The following COL4A2 variants were observed in gnomAD, a reference collection of about 807,000 sequenced individuals.
COL4A2 encodes collagen alpha-2(IV) chain.
COL4A2 carries 99 observed loss-of-function variants against 200.2 expected under a neutral mutation model. The ratio of observed to expected loss-of-function variants is 0.49; its 90% CI spans 0.42 to 0.58. The LOEUF is 0.58. Among genes scored for constraint, COL4A2 ranks in the 20% least tolerant of loss-of-function variants. COL4A2 has a pLI of 0.00. For synonymous variants in COL4A2, 897 were observed against 900.6 expected, an observed-to-expected ratio of 1.00 and a Z score of 0.07; for missense variants, 1,950 against 2,314.1, an observed-to-expected ratio of 0.84 and a Z score of 3.23.
chr13:110,382,220 G>A (rs1301283009), intron 4 of COL4A2, among the ~76,000 whole-genome samples: 2 of 152,304 alleles, frequency 1.3e-5, no homozygotes, highest in Non-Finnish European at 1.5e-5. Context: ...CAATTATGGT[G>A]GACAAGTATT....
chr13:110,415,221 T>G lies in COL4A2; in HGVS notation c.181-9513T>G, dbSNP rs371015300. Among the ~76,000 whole-genome samples the G allele has an allele frequency of 2.8e-4, 42 of 152,350 alleles. 1 individual carries two copies. The highest frequency in any genetic ancestry group is 9.6e-4 in the East Asian group (5 of 5,192). On this transcript the variant is annotated intron_variant, in intron 4 of 47. Coordinates refer to ENST00000360467, the MANE Select transcript of COL4A2 (RefSeq NM_001846.4). ...GGTGGTTACACAACTCTGTTATTTGTTGTGTCTGTTAATGACACACCAAAT... is the reference window on the plus strand; with the variant it reads ...GGTGGTTACACAACTCTGTTATTTGGTGTGTCTGTTAATGACACACCAAAT...
At chr13:110,401,687 A>G (rs1879375614) in intron 4 of COL4A2, among the ~76,000 whole-genome samples, 1 of 152,178 alleles carries the variant, frequency 6.6e-6, no homozygotes. Context: ...TGAAAACCAA[A>G]TTTCTGTGAA....
intron 4 of COL4A2, among the ~76,000 whole-genome samples, chr13:110,407,562 G>C (rs1879619705): frequency 6.6e-6 from 1 of 152,254 alleles, no homozygotes; most frequent in African/African-American, 2.4e-5. Context: ...TTAGAAAGGA[G>C]TCGGAGAACA....
chr13:110,315,999 C>G (rs1221347528), intron 3 of COL4A2, among the ~76,000 whole-genome samples: 1 of 152,048 alleles, frequency 6.6e-6, no homozygotes, highest in African/African-American at 2.4e-5. Context: ...TCTGCTTTCT[C>G]CCACTGGATA....
chr13:110,414,545 T>C (rs1879967764), intron 4 of COL4A2, among the ~76,000 whole-genome samples: 1 of 152,158 alleles, frequency 6.6e-6, no homozygotes, highest in Non-Finnish European at 1.5e-5. Flanking sequence ...CCCTGCCTGA[T>C]TGCTAATGAG....
chr13:110,478,031 G>A lies in COL4A2; in HGVS notation c.2454G>A (p.Gly818=), dbSNP rs755217352. 17 of 1,586,862 alleles carry A rather than the reference G, an allele frequency of 1.1e-5. 1 individual carries two copies. The South Asian group carries it at 1.8e-4, about 17-fold the overall frequency. Residue 818 remains glycine (G), a synonymous_variant, in exon 30 of 48, where the codon GGG becomes GGA. Transcript: ENST00000360467. ...GCCAAGGGATGCCTGGGATGCCAGG[G>A]CTGAAGGGCCAGCCAGGCCTCCCAG... ...RGSQGMPGMP[G]LKGQPGLPGP...
chr13:110,492,777 C>T (rs1343391830), intron 38 of COL4A2, among the ~76,000 whole-genome samples: 1 of 152,216 alleles, frequency 6.6e-6, no homozygotes, highest in Non-Finnish European at 1.5e-5. Flanking sequence ...CCCTTCTGGC[C>T]TAGTGAGTCT....
intron 4 of COL4A2, among the ~76,000 whole-genome samples, chr13:110,373,093 A>C (rs933977109): frequency 2.0e-5 from 3 of 152,238 alleles, no homozygotes; most frequent in Admixed American, 6.5e-5. Context: ...AAAAGGAAGC[A>C]TAATGATTTA....
intron 20 of COL4A2, among the ~76,000 whole-genome samples, chr13:110,455,222 G>C (rs1207018793): frequency 2.0e-5 from 3 of 152,110 alleles, no homozygotes; most frequent in African/African-American, 7.2e-5. Context: ...ACTGCCCTCG[G>C]GGTAAAAGCC....
chr13:110,437,342 G>A (rs541590021), intron 13 of COL4A2, among the ~76,000 whole-genome samples: 63 of 152,308 alleles, frequency 4.1e-4, no homozygotes, highest in African/African-American at 1.4e-3. Context: ...TCAATCTTCC[G>A]AGTCAAGTTT....
chr13:110,326,594 C>T (rs369330933), intron 3 of COL4A2, among the ~76,000 whole-genome samples: 2 of 152,308 alleles, frequency 1.3e-5, no homozygotes, highest in Admixed American at 6.5e-5. Context: ...CTTTCACTCA[C>T]CCCAGCATGC....
intron 40 of COL4A2, among the ~76,000 whole-genome samples, chr13:110,497,699 C>G (rs1883505945): frequency 6.6e-6 from 1 of 151,518 alleles, no homozygotes; most frequent in Non-Finnish European, 1.5e-5. Flanking sequence ...AACCTCCACT[C>G]AGGGCTGAGG....
At chr13:110,457,956 T>A in intron 21 of COL4A2, 1 of 386,460 alleles carries the variant, frequency 2.6e-6, no homozygotes, top group Non-Finnish European at 5.2e-6. Flanking sequence ...CCTGACCCTT[T>A]CCAGTCACCT....
intron 4 of COL4A2, among the ~76,000 whole-genome samples, chr13:110,381,158 C>G (rs139685875): frequency 7.0e-4 from 107 of 151,810 alleles, no homozygotes; most frequent in Middle Eastern, 3.4e-3. Flanking sequence ...GGCTCTATCT[C>G]ACATCCACGG....
chr13:110,434,547 G>A (rs1016390324), intron 12 of COL4A2, 105 bp downstream of exon 12: 2 of 1,196,380 alleles, frequency 1.7e-6, no homozygotes, highest in African/African-American at 1.5e-5. Flanking sequence ...TTTACCTTGA[G>A]TTGATCTGCA....
intron 4 of COL4A2, among the ~76,000 whole-genome samples, chr13:110,390,096 A>G (rs866783696): frequency 3.9e-5 from 6 of 152,226 alleles, no homozygotes; most frequent in African/African-American, 9.6e-5. Context: ...TTCAAAAAGC[A>G]TGTATTGAGC....
At chr13:110,451,584 T>C (rs1246799385) in intron 20 of COL4A2, among the ~76,000 whole-genome samples, 1 of 152,172 alleles carries the variant, frequency 6.6e-6, no homozygotes, top group Non-Finnish European at 1.5e-5. Flanking sequence ...AAGCCCCTTA[T>C]AAAACTATCA....
intron 4 of COL4A2, among the ~76,000 whole-genome samples, chr13:110,371,864 C>G (rs781188393): frequency 2.0e-4 from 30 of 152,142 alleles, no homozygotes; most frequent in Non-Finnish European, 3.5e-4. Flanking sequence ...TCCCCCAGTT[C>G]TTATCCTACT....
intron 6 of COL4A2, 89 bp from the exon 7 acceptor site, chr13:110,428,378 T>A (rs749810491): frequency 1.3e-6 from 1 of 757,486 alleles, no homozygotes; most frequent in Non-Finnish European, 2.2e-6. Context: ...GAACATGGCT[T>A]ATGAGAATAT....
Sources: gnomAD v4.1 joint callset for allele counts (sites outside exome capture counted in the v4.1 genomes callset) on GRCh38, gnomAD v4.1.1 for gene constraint, MANE v1.5 for transcripts, NCBI Gene and HGNC (gene_info 2026-07-23, HGNC 2026-07-21) for gene names.